The following WSCD1 variants were observed in gnomAD, a reference collection of about 807,000 sequenced individuals.
The protein encoded by WSCD1 is sialate:O-sulfotransferase 1.
Under a neutral mutation model 60.4 loss-of-function variants are expected in WSCD1, and 41 were observed. The observed-to-expected ratio is 0.68, with a 90% CI of 0.53 to 0.88. WSCD1 has a LOEUF of 0.88. Ranked by LOEUF, WSCD1 falls within the 40% of genes least tolerant of loss-of-function variation. The pLI, the probability that WSCD1 is intolerant of heterozygous loss-of-function variation, is 0.00. For missense variants in WSCD1, 784 were observed against 796.2 expected (o/e 0.98, Z 0.18); for synonymous variants, 361 against 332.5 (o/e 1.09, Z -0.93).
At chr17:6,107,271 C>T (rs752704470) in intron 5 of WSCD1, among the ~76,000 whole-genome samples, 2 of 152,096 alleles carry the variant, frequency 1.3e-5, no homozygotes, top group Non-Finnish European at 2.9e-5. Context: ...GAGGCTGAGG[C>T]GGGCAGATCA....
chr17:6,080,348 G>T lies in WSCD1; in HGVS notation c.-288-23G>T. 1 of 408,914 alleles carries T rather than the reference G, an allele frequency of 2.4e-6. No homozygotes were observed. The highest frequency in any genetic ancestry group is 4.4e-6 in the Non-Finnish European group (1 of 227,952). 25.3% of individuals were successfully genotyped at this position (408,914 alleles called of 1,614,324 possible). A position where few individuals can be genotyped will look rare whatever the true frequency, so the allele number is the denominator to read the frequency against. ...GTAGTGGACCCGCCTATTACATCTC[G>T]GTGCTCTTTCTCCACCTTCCAGATT... is the stretch of plus-strand genomic sequence containing the variant. On this transcript the variant is annotated intron_variant, in intron 1 of 8. Coordinates refer to ENST00000317744, the MANE Select transcript of WSCD1 (RefSeq NM_015253.2). The surrounding 1 kb of genome is among the most constrained non-coding windows in gnomAD (Gnocchi z 6.6).
intron 5 of WSCD1, among the ~76,000 whole-genome samples, chr17:6,104,166 C>T (rs1439094199): frequency 6.6e-6 from 1 of 152,066 alleles, no homozygotes; most frequent in African/African-American, 2.4e-5. Flanking sequence ...TGCCAGGCTC[C>T]TATAAACAAC....
chr17:6,090,318 C>A lies in WSCD1; in HGVS notation c.543-3C>A, dbSNP rs374217256. 2.2e-5 allele frequency: 34 copies of A among 1,581,216 alleles called. No individual in the cohort carries two copies. The highest frequency in any genetic ancestry group is 5.1e-6 in the Non-Finnish European group (6 of 1,166,044). On this transcript the variant is annotated splice_region_variant and splice_polypyrimidine_tract_variant and intron_variant, in intron 3 of 8. Transcript: ENST00000317744. ...CGGACTCACCCAGGCCTCCTCCCTG[C>A]AGGTCCTATGTCTACGCCGGCTTGG...
At position 6,098,069 on chromosome 17, in the gene WSCD1, G is replaced by A. The variant is rs574386728; in HGVS notation, c.849+2846G>A. ...GGGCTCAAGTGATCCTCCCACCTTG[G>A]CCTCCTGAGTAGCTGTGACTACAGG... On this transcript the variant is annotated intron_variant, in intron 5 of 8. Coordinates refer to ENST00000317744, the MANE Select transcript of WSCD1 (RefSeq NM_015253.2). 9.6e-5 allele frequency among the ~76,000 whole-genome samples: 14 copies of A among 146,058 alleles called. 1 individual carries two copies. The South Asian group carries it at 3.1e-3, about 32-fold the overall frequency.
At chr17:6,107,714 G>A (rs1652941324) in intron 5 of WSCD1, among the ~76,000 whole-genome samples, 1 of 151,258 alleles carries the variant, frequency 6.6e-6, no homozygotes, top group Non-Finnish European at 1.5e-5. Context: ...GTGTTGGTGT[G>A]GAATGAGGTG....
At position 6,075,307 on chromosome 17, in the gene WSCD1, G is replaced by C. The variant is rs983782742; in HGVS notation, c.-289+4655G>C. On this transcript the variant is annotated intron_variant, in intron 1 of 8. Coordinates refer to ENST00000317744, the MANE Select transcript of WSCD1 (RefSeq NM_015253.2). This position sits in a 1 kb window ranked among gnomAD's most constrained non-coding sequence, Gnocchi z 4.1. Reference sequence around the variant, plus strand: ...TCTGACCGGGGGTCACGGGGAGGTTGAGTCATCTGACTGAACCCCAGTGGC... The same window carrying C: ...TCTGACCGGGGGTCACGGGGAGGTTCAGTCATCTGACTGAACCCCAGTGGC... Among the ~76,000 whole-genome samples, 1 of 152,084 alleles carries C rather than the reference G, an allele frequency of 6.6e-6. No individual in the cohort carries two copies. Among genetic ancestry groups the C allele is most frequent in the Non-Finnish European group, 1.5e-5 (1 of 68,012 alleles).
intron 2 of WSCD1, among the ~76,000 whole-genome samples, chr17:6,082,677 C>T (rs1343527915): frequency 6.6e-6 from 1 of 152,140 alleles, no homozygotes; most frequent in Non-Finnish European, 1.5e-5. Context: ...CTGGGCCCTG[C>T]ACCCGAAGTC....
rs944713803 is a variant in WSCD1, at chr17:6,120,559, C to A, written c.1626C>A (p.Thr542=). The change falls in exon 9 of 9, where the codon ACC becomes ACA. Residue 542 remains threonine, a synonymous_variant. Coordinates refer to ENST00000317744, the MANE Select transcript of WSCD1 (RefSeq NM_015253.2). The stretch of plus-strand genomic sequence containing the variant: ...GCTCCCACGACCCTGAGCCCTTCAC[C>A]CCGGAGATGAAAGACTTGATCAATG... ...GRRSHDPEPF[T]PEMKDLINGY... is the part of the protein sequence containing the mutation. 2.5e-6 allele frequency: 4 copies of A among 1,613,680 alleles called. No individual in the cohort carries two copies. Among genetic ancestry groups the A allele is most frequent in the African/African-American group, 1.3e-5 (1 of 74,950 alleles).
At position 6,080,499 on chromosome 17, in the gene WSCD1, C is replaced by G. The variant is rs1909159840; in HGVS notation, c.-160C>G. The G allele has an allele frequency of 1.4e-6, 1 of 700,238 alleles. No individual in the cohort carries two copies. Among genetic ancestry groups the G allele is most frequent in the Non-Finnish European group, 2.4e-6 (1 of 421,372 alleles). 43.4% of individuals were successfully genotyped at this position (700,238 alleles called of 1,614,324 possible). A position where few individuals can be genotyped will look rare whatever the true frequency, so the allele number is the denominator to read the frequency against. ...AGTAATGGTGCCATTTGAACACCTA[C>G]TGGAAACGGGGCAGGAACAGTGAGT... On this transcript the variant is annotated 5_prime_UTR_variant, in exon 2 of 9. Coordinates refer to ENST00000317744, the MANE Select transcript of WSCD1 (RefSeq NM_015253.2). The surrounding 1 kb of genome is among the most constrained non-coding windows in gnomAD (Gnocchi z 6.6).
chr17:6,110,513 C>T lies in WSCD1; in HGVS notation c.1010-258C>T, dbSNP rs905705108. Among the ~76,000 whole-genome samples, 16 of 152,140 alleles carry T rather than the reference C, an allele frequency of 1.1e-4. No homozygotes were observed. Among genetic ancestry groups the T allele is most frequent in the African/African-American group, 3.9e-4 (16 of 41,418 alleles). On this transcript the variant is annotated intron_variant, in intron 6 of 8. Coordinates refer to ENST00000317744, the MANE Select transcript of WSCD1 (RefSeq NM_015253.2). The surrounding 1 kb of genome is among the most constrained non-coding windows in gnomAD (Gnocchi z 4.8). ...GTGGCCATAGAGACAGAATGGGAGT[C>T]GAGGGTCCATAGGGTGTCTGATTCC...
chr17:6,069,800 TGCGTGC>T (rs1418940656), upstream of WSCD1, among the ~76,000 whole-genome samples: 3 of 32,322 alleles, frequency 9.3e-5, no homozygotes, highest in Non-Finnish European at 1.9e-4. Context: ...TGTGTGTGTG[TGCGTGC>T]GTGTGTGGTG....
chr17:6,081,285 G>T (rs1414454762), intron 2 of WSCD1, among the ~76,000 whole-genome samples, 200 bp downstream of exon 2: 4 of 152,192 alleles, frequency 2.6e-5, no homozygotes, highest in Non-Finnish European at 4.4e-5. Context: ...GTTCCACATG[G>T]CTCAAGGCTG....
rs1170957736 is a variant in WSCD1 at position 6,120,469 on chromosome 17, G to A, written c.1536G>A (p.Val512=). 6.2e-7 allele frequency: 1 copy of A among 1,613,910 alleles called. No homozygotes were observed. The highest frequency in any genetic ancestry group is 8.5e-7 in the Non-Finnish European group (1 of 1,179,984). The change falls in exon 9 of 9, where the codon GTG becomes GTA. Residue 512 remains valine, a synonymous_variant. Transcript: ENST00000317744. Reference sequence around the variant, plus strand: ...TGGTGGCCTTCCTCAACGTGTCTGTGAGCGAGGAGCGGCTGCTCTGCGTGG... The same window carrying A: ...TGGTGGCCTTCCTCAACGTGTCTGTAAGCGAGGAGCGGCTGCTCTGCGTGG... ...REMVAFLNVS[V]SEERLLCVEN...
chr17:6,095,881 G>A (rs1241811117), intron 5 of WSCD1, among the ~76,000 whole-genome samples: 1 of 152,202 alleles, frequency 6.6e-6, no homozygotes, highest in Non-Finnish European at 1.5e-5. Flanking sequence ...ACTCCAGATT[G>A]GGGTGGATGC....
intron 4 of WSCD1, among the ~76,000 whole-genome samples, chr17:6,090,827 G>T (rs376704114): frequency 2.0e-5 from 3 of 152,072 alleles, no homozygotes; most frequent in East Asian, 3.9e-4. Context: ...TCTGAGCTAC[G>T]GTCTATTTTG....
intron 5 of WSCD1, among the ~76,000 whole-genome samples, chr17:6,108,286 CT>C (rs953176420): frequency 1.4e-4 from 22 of 152,124 alleles, no homozygotes; most frequent in African/African-American, 5.3e-4. Flanking sequence ...GAGATTTTTG[CT>C]GTGAGCAAAA....
intron 4 of WSCD1, among the ~76,000 whole-genome samples, chr17:6,090,711 G>A (rs985372597): frequency 6.6e-6 from 1 of 152,130 alleles, no homozygotes; most frequent in African/African-American, 2.4e-5. Flanking sequence ...TTGAGTTCAT[G>A]ACTGAAGCAT....
At chr17:6,069,887 C>G (rs987728200), upstream of WSCD1, among the ~76,000 whole-genome samples, 1 of 150,394 alleles carries the variant, frequency 6.6e-6, no homozygotes, top group Admixed American at 6.6e-5. Context: ...TCACAGTGGC[C>G]CAGTCTGCTT....
rs759494597 is a variant in WSCD1 at position 6,120,521 on chromosome 17, C to T, written c.1588C>T (p.Arg530Trp). Residue 530 changes from arginine (R) to tryptophan (W), a missense_variant, in exon 9 of 9, where the codon CGG becomes TGG. Transcript: ENST00000317744. ...GAACAACAAGGAGGGCAGCTTCCGG[C>T]GGCGCGGCCGGCGCTCCCACGACCC... ...VENNKEGSFRRRGRRSHDPEP... is the reference protein window; with the variant it reads ...VENNKEGSFRWRGRRSHDPEP... The T allele has an allele frequency of 3.0e-5, 48 of 1,613,564 alleles. No homozygotes were observed. The highest frequency in any genetic ancestry group is 3.6e-5 in the Non-Finnish European group (42 of 1,179,998).
Sources: allele counts gnomAD v4.1 joint callset (sites outside exome capture counted in the v4.1 genomes callset), GRCh38; gene constraint gnomAD v4.1.1; non-coding constraint Gnocchi (gnomAD v3.1); transcripts MANE v1.5; gene names NCBI Gene and HGNC (gene_info 2026-07-23, HGNC 2026-07-21).